The following KPNA3 variants were observed in gnomAD, a reference collection of about 807,000 sequenced individuals.
KPNA3 encodes importin subunit alpha-4.
KPNA3 carries 13 observed loss-of-function variants against 73.8 expected under a neutral mutation model. The ratio of observed to expected loss-of-function variants is 0.18; its 90% CI spans 0.11 to 0.28. The LOEUF (loss-of-function observed/expected upper bound fraction) is 0.28. Among genes scored for constraint, KPNA3 ranks in the 10% least tolerant of loss-of-function variants. The probability of loss-of-function intolerance (pLI) is 1.00; values close to 1 mark genes in which losing one functional copy is unlikely to be tolerated. For missense variants in KPNA3, 360 were observed against 618.1 expected (o/e 0.58, Z 4.43); for synonymous variants, 186 against 206.9 (o/e 0.90, Z 0.87).
rs1954128527 is a variant in KPNA3, at chr13:49,699,503, C to T, written c.*2297G>A. 1 of 152,582 alleles carries T rather than the reference C, an allele frequency of 6.6e-6. No homozygotes were observed. The allele number at this position is 152,582 out of a possible 1,614,324, so 9.5% of individuals were successfully genotyped here. A position where few individuals can be genotyped will look rare whatever the true frequency, so the allele number is the denominator to read the frequency against. On this transcript the variant is annotated 3_prime_UTR_variant, in exon 17 of 17. Transcript: ENST00000261667. ...GAAAACTTAAAAGTGCAGCAATATA[C>T]TTAGTTTCCTTTATCTACGAAATGG...
chr13:49,745,321 C>CT (rs1387564704), intron 2 of KPNA3, among the ~76,000 whole-genome samples: 1 of 151,880 alleles, frequency 6.6e-6, no homozygotes, highest in African/African-American at 2.4e-5. Context: ...GAATCAAGAC[C>CT]TCCTTCCTTC....
chr13:49,773,809 A>C (rs777988585), intron 1 of KPNA3, among the ~76,000 whole-genome samples: 1 of 152,220 alleles, frequency 6.6e-6, no homozygotes, highest in Non-Finnish European at 1.5e-5. Context: ...AAGGTCCCTA[A>C]AACAACTCTA....
At chr13:49,746,349 G>A (rs914602548) in intron 2 of KPNA3, among the ~76,000 whole-genome samples, 2 of 152,012 alleles carry the variant, frequency 1.3e-5, no homozygotes, top group African/African-American at 4.8e-5. Flanking sequence ...GTGTGGTGGT[G>A]TGCCTGCATT....
In KPNA3 at chr13:49,755,526, G is replaced by A. The variant is rs186711373; in HGVS notation, c.70-8533C>T. On this transcript the variant is annotated intron_variant, in intron 1 of 16. Transcript: ENST00000261667. ...AAGAAAATAATCCCAGCCAGGTGCT[G>A]TGGCTCACTCCTGTAATCCCAGCAC... is the stretch of plus-strand genomic sequence containing the variant. 7.9e-5 allele frequency among the ~76,000 whole-genome samples: 12 copies of A among 152,360 alleles called. No individual in the cohort carries two copies. The East Asian group carries it at 1.2e-3, about 15-fold the overall frequency.
In KPNA3 at chr13:49,706,244, C is replaced by A. The variant is rs548539411; in HGVS notation, c.1137+24G>T. On this transcript the variant is annotated intron_variant, in intron 13 of 16. Transcript: ENST00000261667. ...TTGGTTATTAACAGATTAACAGACA[C>A]GGTGAACTCATAATATGACCAACCT... is the stretch of plus-strand genomic sequence containing the variant. 2.5e-6 allele frequency: 4 copies of A among 1,609,238 alleles called. No individual in the cohort carries two copies. In the Admixed American group the frequency reaches 5.0e-5, roughly 20 times the overall value.
chr13:49,777,481 C>G (rs1225821340), intron 1 of KPNA3, among the ~76,000 whole-genome samples: 2 of 151,994 alleles, frequency 1.3e-5, no homozygotes, highest in African/African-American at 4.8e-5. Flanking sequence ...TATATAAATG[C>G]CACATAAACA....
At chr13:49,753,963 G>A (rs767980499) in intron 1 of KPNA3, among the ~76,000 whole-genome samples, 1 of 152,204 alleles carries the variant, frequency 6.6e-6, no homozygotes, top group Non-Finnish European at 1.5e-5. Context: ...TGACAATGTA[G>A]ACACAAAATT....
chr13:49,727,616 T>A (rs1050289487), intron 6 of KPNA3, among the ~76,000 whole-genome samples: 4 of 152,048 alleles, frequency 2.6e-5, no homozygotes, highest in Non-Finnish European at 5.9e-5. Flanking sequence ...GAGGGGACTT[T>A]AAAAAACTCA....
chr13:49,759,353 A>T (rs965348700), intron 1 of KPNA3, among the ~76,000 whole-genome samples: 1 of 152,212 alleles, frequency 6.6e-6, no homozygotes, highest in Non-Finnish European at 1.5e-5. Context: ...AGCTGTTCCC[A>T]AACTTTTTGG....
chr13:49,716,272 C>T (rs1383567019), intron 10 of KPNA3, among the ~76,000 whole-genome samples: 1 of 152,056 alleles, frequency 6.6e-6, no homozygotes, highest in African/African-American at 2.4e-5. Flanking sequence ...GAGCTATCAA[C>T]CTAAAAAAAA....
chr13:49,746,863 C>A, intron 2 of KPNA3, 86 bp downstream of exon 2: 1 of 952,952 alleles, frequency 1.0e-6, no homozygotes. Context: ...CACTAATTTG[C>A]CACAGTATTT....
At position 49,722,033 on chromosome 13, in the gene KPNA3, G is replaced by A. The variant is rs749404522; in HGVS notation, c.648C>T (p.Phe216=). ...CAATGACCCATGTGACGTTCCGAAG[G>A]AAGGTGATGGGGATGGAGGGACTGA... ...SFISPSIPIT[F]LRNVTWVIVN... Residue 216 remains phenylalanine (F), a synonymous_variant, in exon 9 of 17, where the codon TTC becomes TTT. Coordinates refer to ENST00000261667, the MANE Select transcript of KPNA3 (RefSeq NM_002267.4). 2 of 1,612,174 alleles carry A rather than the reference G, an allele frequency of 1.2e-6. No individual in the cohort carries two copies. The highest frequency in any genetic ancestry group is 2.2e-5 in the South Asian group (2 of 90,752).
chr13:49,732,355 TA>T lies in KPNA3; in HGVS notation c.383+15del. The stretch of plus-strand genomic sequence containing the variant: ...TAACTGAAAAAAACTGAATAGGGAG[TA>T]AAATCCATACTTACTTATCATCCCT... On this transcript the variant is annotated intron_variant, in intron 6 of 16. Transcript: ENST00000261667. 1 of 1,353,560 alleles carries T rather than the reference TA, an allele frequency of 7.4e-7. No homozygotes were observed. Among genetic ancestry groups the T allele is most frequent in the Non-Finnish European group, 1.0e-6 (1 of 968,490 alleles). 83.8% of individuals were successfully genotyped at this position (1,353,560 alleles called of 1,614,324 possible).
chr13:49,751,765 A>T (rs539243312), intron 1 of KPNA3, among the ~76,000 whole-genome samples: 1 of 152,216 alleles, frequency 6.6e-6, no homozygotes, highest in South Asian at 2.1e-4. Flanking sequence ...AAAATTAGCC[A>T]GGTGTGGTGG....
intron 1 of KPNA3, among the ~76,000 whole-genome samples, chr13:49,774,868 T>C (rs972937899): frequency 5.3e-5 from 8 of 151,960 alleles, no homozygotes; most frequent in African/African-American, 1.9e-4. Flanking sequence ...ATTATGAAAA[T>C]ATTCGGCCAG....
At chr13:49,766,987 T>C in intron 1 of KPNA3, among the ~76,000 whole-genome samples, 1 of 146,246 alleles carries the variant, frequency 6.8e-6, no homozygotes, top group East Asian at 2.0e-4. Flanking sequence ...ACAGAGGTAA[T>C]CAAGTTAGGA....
chr13:49,755,520 G>A (rs1036177969), intron 1 of KPNA3, among the ~76,000 whole-genome samples: 34 of 152,332 alleles, frequency 2.2e-4, no homozygotes, highest in African/African-American at 7.5e-4. Context: ...ATCCCAGCCA[G>A]GTGCTGTGGC....
chr13:49,771,711 T>C (rs1334132115), intron 1 of KPNA3, among the ~76,000 whole-genome samples: 1 of 152,198 alleles, frequency 6.6e-6, no homozygotes, highest in East Asian at 1.9e-4. Flanking sequence ...CTCATCATAG[T>C]AACACAATTA....
intron 2 of KPNA3, among the ~76,000 whole-genome samples, chr13:49,735,451 A>C (rs1954513659): frequency 6.6e-6 from 1 of 152,160 alleles, no homozygotes; most frequent in Non-Finnish European, 1.5e-5. Context: ...AAATATGTAC[A>C]AGCCAAGGAA....
Sources: gnomAD v4.1 joint callset for allele counts (sites outside exome capture counted in the v4.1 genomes callset) on GRCh38, gnomAD v4.1.1 for gene constraint, MANE v1.5 for transcripts, NCBI Gene and HGNC (gene_info 2026-07-23, HGNC 2026-07-21) for gene names.